HEATR3: variants seen among roughly 807,000 people sequenced by gnomAD.
The protein encoded by HEATR3 is HEAT repeat containing 3, also known as HEAT repeat-containing protein 3.
HEATR3 carries 56 observed loss-of-function variants against 72.8 expected under a neutral mutation model. The ratio of observed to expected loss-of-function variants is 0.77; its 90% CI spans 0.62 to 0.96. The LOEUF is 0.96. HEATR3 is among the 40% of genes least tolerant of loss of function. HEATR3 has a pLI of 0.00. For missense variants in HEATR3, 747 were observed against 831.4 expected (o/e 0.90, Z 1.25); for synonymous variants, 331 against 318.1 (o/e 1.04, Z -0.43).
chr16:50,098,661 T>A (rs1453469503), intron 12 of HEATR3, among the ~76,000 whole-genome samples: 1 of 151,424 alleles, frequency 6.6e-6, no homozygotes, highest in African/African-American at 2.4e-5. Flanking sequence ...GTTTCAAAAA[T>A]AATAATAATA....
At chr16:50,090,815 G>T (rs539262068) in intron 11 of HEATR3, among the ~76,000 whole-genome samples, 12 of 152,188 alleles carry the variant, frequency 7.9e-5, no homozygotes, top group Non-Finnish European at 1.6e-4. Flanking sequence ...TCCCATTGTG[G>T]GATATATTTT....
chr16:50,105,020 A>G lies in HEATR3; in HGVS notation c.2002A>G (p.Ile668Val). The G allele has an allele frequency of 5.0e-6, 8 of 1,613,316 alleles. No homozygotes were observed. The highest frequency in any genetic ancestry group is 3.3e-5 in the South Asian group (3 of 90,832). Residue 668 changes from isoleucine to valine, a missense_variant, in exon 15 of 15, where the codon ATT (isoleucine) becomes GTT (valine). Physicochemically the swap from Ile to Val is conservative, Grantham distance 29. Transcript: ENST00000299192. The stretch of plus-strand genomic sequence containing the variant: ...TGTGAAAATGAATTTGCGAAGATTT[A>G]TTGCTTATCAAGAAACTGTTGAGAA... ...DNVKMNLRRF[I>V]AYQETVEKRL...
In HEATR3 at chr16:50,065,985, C is replaced by T. The variant is rs188990801; in HGVS notation, c.-147C>T. ...CCGACCCGGCAGACGACGCGCCGTG[C>T]GCCTGCGCACGGCTTGCCCATGTGT... On this transcript the variant is annotated 5_prime_UTR_variant, in exon 1 of 15. Transcript: ENST00000299192. The T allele has an allele frequency of 2.5e-4, 68 of 272,454 alleles. 1 individual carries two copies. The Admixed American group carries it at 4.0e-3, about 16-fold the overall frequency. 16.9% of individuals were successfully genotyped at this position (272,454 alleles called of 1,614,324 possible). A position where few individuals can be genotyped will look rare whatever the true frequency, so the allele number is the denominator to read the frequency against.
chr16:50,080,973 C>T (rs2036854157), intron 7 of HEATR3, among the ~76,000 whole-genome samples: 1 of 152,294 alleles, frequency 6.6e-6, no homozygotes, highest in Admixed American at 6.5e-5. Flanking sequence ...TTCCAAGGAC[C>T]TTCTACAGGG....
At chr16:50,085,506 C>T (rs928932363) in intron 10 of HEATR3, among the ~76,000 whole-genome samples, 14 of 151,676 alleles carry the variant, frequency 9.2e-5, no homozygotes, top group African/African-American at 3.4e-4. Context: ...TAGTGGCACT[C>T]AGCTGTAGTC....
At position 50,100,209 on chromosome 16, in the gene HEATR3, T is replaced by C. The variant is rs2037335901; in HGVS notation, c.1600-21T>C. On this transcript the variant is annotated intron_variant, in intron 12 of 14. Transcript: ENST00000299192. ...TAATTGAGTTTAACATTATAAATAC[T>C]GTCCTCTTCTCTTTTAACAGTGCAT... 9 of 1,604,450 alleles carry C rather than the reference T, an allele frequency of 5.6e-6. No individual in the cohort carries two copies. The Admixed American group carries it at 1.4e-4, about 24-fold the overall frequency.
chr16:50,095,928 G>T (rs546099225), intron 12 of HEATR3, among the ~76,000 whole-genome samples: 8 of 152,078 alleles, frequency 5.3e-5, no homozygotes, highest in Non-Finnish European at 7.4e-5. Context: ...TTACCCCAAG[G>T]CTCCAAATTA....
At position 50,083,938 on chromosome 16, in the gene HEATR3, C is replaced by G. The variant is rs2036927909; in HGVS notation, c.1043C>G (p.Pro348Arg). The G allele has an allele frequency of 6.3e-7, 1 of 1,589,710 alleles. No individual in the cohort carries two copies. The highest frequency in any genetic ancestry group is 1.4e-5 in the African/African-American group (1 of 72,768). ...RKTFVSDLLP[P>R]TDKELRETIA... is the part of the protein sequence containing the mutation. ...TTTACTTTTTTTTTTTTTTTTAAGC[C>G]CACTGACAAGGAACTGAGAGAGACT... Residue 348 changes from proline to arginine, a missense_variant and splice_region_variant, in exon 8 of 15, where the codon CCC becomes CGC. This residue lies in a region of HEATR3 where 586 missense variants were observed against 708.8 expected (regional missense o/e 0.83). Coordinates refer to ENST00000299192, the MANE Select transcript of HEATR3 (RefSeq NM_182922.4).
intron 10 of HEATR3, among the ~76,000 whole-genome samples, chr16:50,085,087 T>C (rs768788092): frequency 6.6e-6 from 1 of 151,900 alleles, no homozygotes; most frequent in Non-Finnish European, 1.5e-5. Context: ...CAGGGATGCA[T>C]ACCTTGGTGA....
chr16:50,105,003 T>G lies in HEATR3; in HGVS notation c.1985T>G (p.Met662Arg). 6.2e-7 allele frequency: 1 copy of G among 1,613,256 alleles called. No homozygotes were observed. Among genetic ancestry groups the G allele is most frequent in the Middle Eastern group, 1.7e-4 (1 of 6,058 alleles). The change falls in exon 15 of 15, where the codon ATG becomes AGG. Residue 662 changes from methionine to arginine, a missense_variant. By Grantham distance (91) the Met-to-Arg change is moderately conservative. Coordinates refer to ENST00000299192, the MANE Select transcript of HEATR3 (RefSeq NM_182922.4). Reference sequence around the variant, plus strand: ...CTGTGTGTTCTTGACAATGTGAAAATGAATTTGCGAAGATTTATTGCTTAT... The same window carrying G: ...CTGTGTGTTCTTGACAATGTGAAAAGGAATTTGCGAAGATTTATTGCTTAT... Reference protein sequence around the residue: ...DQLCVLDNVKMNLRRFIAYQE... With the variant: ...DQLCVLDNVKRNLRRFIAYQE...
At chr16:50,088,052 G>A (rs558815295) in intron 11 of HEATR3, among the ~76,000 whole-genome samples, 8 of 152,218 alleles carry the variant, frequency 5.3e-5, no homozygotes, top group East Asian at 3.9e-4. Flanking sequence ...GCTTGAACCC[G>A]GGAGGCGGAG....
chr16:50,096,635 C>CA (rs2037244790), intron 12 of HEATR3, among the ~76,000 whole-genome samples: 1 of 151,964 alleles, frequency 6.6e-6, no homozygotes, highest in Non-Finnish European at 1.5e-5. Flanking sequence ...CCTATCTCTA[C>CA]AAAAAATACA....
chr16:50,067,261 A>G (rs4238813), intron 2 of HEATR3, among the ~76,000 whole-genome samples: 151,708 of 152,014 alleles, frequency 1, 75,701 homozygotes, highest in Middle Eastern at 1. Flanking sequence ...AGGCTGAGGT[A>G]GGAGAATCGC....
intron 6 of HEATR3, among the ~76,000 whole-genome samples, chr16:50,076,167 T>C (rs886827995): frequency 7.9e-6 from 1 of 125,912 alleles, no homozygotes; most frequent in African/African-American, 2.9e-5. Flanking sequence ...TAATTTATGT[T>C]GAGAGATTTT....
chr16:50,094,051 A>ATCTCTT (rs1399787335), intron 11 of HEATR3, among the ~76,000 whole-genome samples: 2 of 152,090 alleles, frequency 1.3e-5, no homozygotes, highest in Middle Eastern at 6.3e-3. Flanking sequence ...CACCAAGCAA[A>ATCTCTT]TCTCTTCCCA....
intron 11 of HEATR3, among the ~76,000 whole-genome samples, chr16:50,090,378 G>A (rs1398459464): frequency 6.6e-6 from 1 of 152,166 alleles, no homozygotes; most frequent in South Asian, 2.1e-4. Context: ...AGAGAATTTA[G>A]TGCGGAGAAT....
At position 50,075,437 on chromosome 16, in the gene HEATR3, C is replaced by T. The variant is rs564233921; in HGVS notation, c.623-134C>T. ...TTGCGCATATCACCCTGAGATAAAG[C>T]ATATATATTTTGCAAAACCTACATG... On this transcript the variant is annotated intron_variant, in intron 5 of 14. Transcript: ENST00000299192. 100 of 668,566 alleles carry T rather than the reference C, an allele frequency of 1.5e-4. No homozygotes were observed. In the African/African-American group the frequency reaches 1.6e-3, roughly 11 times the overall value. The allele number at this position is 668,566 out of a possible 1,614,324, so 41.4% of individuals were successfully genotyped here. A position where few individuals can be genotyped will look rare whatever the true frequency, so the allele number is the denominator to read the frequency against.
At position 50,106,512 on chromosome 16, in the gene HEATR3, A is replaced by G. The variant is rs1450155358; in HGVS notation, c.*1451A>G. On this transcript the variant is annotated 3_prime_UTR_variant, in exon 15 of 15. Transcript: ENST00000299192. ...TTGCTTGGAATATATGTGAGACATT[A>G]AAAAAATGACAGCACGACTTTGCAG... The G allele has an allele frequency of 1.3e-5, 2 of 152,216 alleles. No homozygotes were observed. The highest frequency in any genetic ancestry group is 2.9e-5 in the Non-Finnish European group (2 of 68,026). The allele number at this position is 152,216 out of a possible 1,614,324, so 9.4% of individuals were successfully genotyped here.
intron 10 of HEATR3, among the ~76,000 whole-genome samples, chr16:50,085,955 G>C (rs567664542): frequency 6.6e-6 from 1 of 151,708 alleles, no homozygotes; most frequent in East Asian, 2.0e-4. Context: ...TTGTGCTCAG[G>C]AGGTTGAGGC....
Sources: allele counts gnomAD v4.1 joint callset (sites outside exome capture counted in the v4.1 genomes callset), GRCh38; gene constraint gnomAD v4.1.1; regional missense constraint gnomAD v4.1.1; transcripts MANE v1.5; gene names NCBI Gene and HGNC (gene_info 2026-07-23, HGNC 2026-07-21).